ZFYVE26: variants seen among roughly 807,000 people sequenced by gnomAD.
The protein encoded by ZFYVE26 is zinc finger FYVE domain-containing protein 26.
Under a neutral mutation model 276.5 loss-of-function variants are expected in ZFYVE26, and 181 were observed. The ratio of observed to expected loss-of-function variants is 0.65; its 90% CI spans 0.58 to 0.74. The LOEUF (loss-of-function observed/expected upper bound fraction) is 0.74. ZFYVE26 is among the 30% of genes least tolerant of loss of function. The pLI is 0.00. For missense variants in ZFYVE26, 2,821 were observed against 3,097.9 expected, an observed-to-expected ratio of 0.91 and a Z score of 2.12; for synonymous variants, 1,129 against 1,203.1, an observed-to-expected ratio of 0.94 and a Z score of 1.27.
intron 25 of ZFYVE26, 37 bp downstream of exon 25, chr14:67,777,522 C>T (rs774609673): frequency 1.5e-5 from 24 of 1,596,068 alleles, no homozygotes; most frequent in Non-Finnish European, 2.1e-5. Context: ...ACCTTGGATC[C>T]CACATACAGC....
chr14:67,755,878 C>T (rs1359953351), intron 36 of ZFYVE26, 70 bp downstream of exon 36: 18 of 1,580,374 alleles, frequency 1.1e-5, no homozygotes, highest in East Asian at 4.5e-5. Flanking sequence ...ATTCCCTCAT[C>T]GTGCACTGCC....
intron 20 of ZFYVE26, 135 bp from the exon 21 acceptor site, chr14:67,783,660 A>C: frequency 1.7e-6 from 2 of 1,165,996 alleles, no homozygotes; most frequent in Admixed American, 4.0e-5. Context: ...TTTAAAACAC[A>C]AAAAGTAGCC....
chr14:67,803,328 T>C (rs1309963302), intron 9 of ZFYVE26, among the ~76,000 whole-genome samples: 1 of 152,150 alleles, frequency 6.6e-6, no homozygotes, highest in Non-Finnish European at 1.5e-5. Flanking sequence ...AAAGGCTTTG[T>C]TCCCGTTTCA....
In ZFYVE26 at chr14:67,748,599, T is replaced by G; in HGVS notation, c.7457A>C (p.Tyr2486Ser). 6.2e-7 allele frequency: 1 copy of G among 1,614,106 alleles called. No individual in the cohort carries two copies. ...GTGTTCTTGCTTCACAGCAATCAAG[T>G]AGGCAGAACGCAGTTTGCAACATAT... ...YLICCKLRSA[Y>S]LIAVKQEHSR... Residue 2486 changes from tyrosine to serine, a missense_variant, in exon 42 of 42, where the codon TAC becomes TCC. Physicochemically the swap from Tyr to Ser is moderately radical, Grantham distance 144. Coordinates refer to ENST00000347230, the MANE Select transcript of ZFYVE26 (RefSeq NM_015346.4).
chr14:67,735,980 G>A (rs765319866), intron 13 of ZFYVE26, among the ~76,000 whole-genome samples: 3 of 152,102 alleles, frequency 2.0e-5, no homozygotes, highest in African/African-American at 4.8e-5. Flanking sequence ...GTTGCCATGC[G>A]TCCCAAGCTC....
Position 67,802,272 on chromosome 14 carries a change from A to G in ZFYVE26, c.1446T>C (p.Asp482=), listed in dbSNP as rs1271595969. ...GGCTCAGGTGCTCAGGGACTGGAGC[A>G]TCAACTGCATCTGAATTACAAAGAG... ...KDPQQEPDAV[D]APVPEHLSQC... The change falls in exon 10 of 42, where the codon GAT becomes GAC. Residue 482 remains aspartate (D), a synonymous_variant. Transcript: ENST00000347230. The G allele has an allele frequency of 3.7e-6, 6 of 1,614,068 alleles. No homozygotes were observed. The African/African-American group carries it at 8.0e-5, about 22-fold the overall frequency.
rs904752097 is a variant in ZFYVE26 at position 67,762,442 on chromosome 14, T to C, written c.6160-30A>G. ...GAGAAAAATTGCCCCTTTTAGTGAG[T>C]GGTAGCTACATTCAGGCCTAAATGT... On this transcript the variant is annotated intron_variant, in intron 33 of 41. Transcript: ENST00000347230. 3.7e-6 allele frequency: 6 copies of C among 1,601,500 alleles called. No individual in the cohort carries two copies. The African/African-American group carries it at 6.7e-5, about 18-fold the overall frequency.
intron 2 of ZFYVE26, chr14:67,815,512 A>G (rs1566902091): frequency 1.8e-6 from 1 of 549,336 alleles, no homozygotes; most frequent in Non-Finnish European, 3.3e-6. Context: ...TATATTAACG[A>G]GGATAAACAA....
At chr14:67,784,662 T>C (rs1424388425) in intron 19 of ZFYVE26, among the ~76,000 whole-genome samples, 3 of 152,306 alleles carry the variant, frequency 2.0e-5, no homozygotes, top group African/African-American at 7.2e-5. Context: ...CGAACTTCAG[T>C]GGGCAGATCT....
intron 32 of ZFYVE26, among the ~76,000 whole-genome samples, chr14:67,764,112 C>A (rs2038999661): frequency 6.6e-6 from 1 of 152,164 alleles, no homozygotes; most frequent in Admixed American, 6.5e-5. Flanking sequence ...CTTGTAAAAA[C>A]CTTATAAGGA....
rs973809357 is a variant in ZFYVE26 at position 67,771,966 on chromosome 14, G to A, written c.5484+81C>T. 13 of 1,533,344 alleles carry A rather than the reference G, an allele frequency of 8.5e-6. No homozygotes were observed. In the African/African-American group the frequency reaches 1.1e-4, roughly 13 times the overall value. 95.0% of individuals were successfully genotyped at this position (1,533,344 alleles called of 1,614,324 possible). ...ACCGATATTCTCCTGGGGACAGGCG[G>A]TGATTGTAAACTCAGGCTCATGAAC... is the stretch of plus-strand genomic sequence containing the variant. On this transcript the variant is annotated intron_variant, in intron 28 of 41. Transcript: ENST00000347230.
chr14:67,769,988 G>A (rs2039165442), intron 28 of ZFYVE26: 5 of 519,734 alleles, frequency 9.6e-6, no homozygotes, highest in Non-Finnish European at 1.7e-5. Flanking sequence ...TGTGTATGGA[G>A]GCAACATGTG....
chr14:67,731,658 A>C (rs569169374), intron 13 of ZFYVE26, among the ~76,000 whole-genome samples: 4 of 152,214 alleles, frequency 2.6e-5, no homozygotes, highest in African/African-American at 9.6e-5. Flanking sequence ...TTAGTGATAT[A>C]ATGTTGTAAG....
chr14:67,769,316 C>T (rs753747375), intron 29 of ZFYVE26, among the ~76,000 whole-genome samples: 5 of 152,170 alleles, frequency 3.3e-5, no homozygotes, highest in Non-Finnish European at 7.3e-5. Flanking sequence ...GCTCAATGGC[C>T]TCTGTCTGGG....
chr14:67,774,982 AAAATTTT>A, intron 27 of ZFYVE26, 27 bp downstream of exon 27: 3 of 1,534,712 alleles, frequency 2.0e-6, no homozygotes, highest in Non-Finnish European at 2.7e-6. Flanking sequence ...ACTAAACTGA[AAAATTTT>A]AGTGAATCAT....
In ZFYVE26 at chr14:67,793,740, C is replaced by T. The variant is rs367911364; in HGVS notation, c.2421G>A (p.Met807Ile). 4 of 1,613,798 alleles carry T rather than the reference C, an allele frequency of 2.5e-6. No individual in the cohort carries two copies. The African/African-American group carries it at 5.3e-5, about 22-fold the overall frequency. ...TACTGTGCAGCTCATTCCGGCCAGA[C>T]ATGGCACTCAGACTTCCCTCTGTTG... is the stretch of plus-strand genomic sequence containing the variant. ...TSTSEGSLSA[M>I]SGRNELHSRL... Residue 807 changes from methionine to isoleucine, a missense_variant, in exon 14 of 42, where the codon ATG (methionine) becomes ATA (isoleucine). Transcript: ENST00000347230.
intron 3 of ZFYVE26, among the ~76,000 whole-genome samples, chr14:67,810,899 G>GGT (rs1164494958): frequency 3.3e-5 from 5 of 151,962 alleles, no homozygotes; most frequent in African/African-American, 7.2e-5. Flanking sequence ...TACAGCTGCA[G>GGT]GTGTGTGTGT....
chr14:67,772,238 A>G (rs1173036853), intron 27 of ZFYVE26, 28 bp from the exon 28 acceptor site: 3 of 1,607,588 alleles, frequency 1.9e-6, no homozygotes, highest in Non-Finnish European at 2.5e-6. Context: ...AGGTCAGAGT[A>G]AAAGGTAATC....
intron 33 of ZFYVE26, 68 bp downstream of exon 33, chr14:67,762,604 G>A (rs2038962067): frequency 1.9e-6 from 3 of 1,605,780 alleles, no homozygotes; most frequent in South Asian, 1.1e-5. Flanking sequence ...ACACCTGTTT[G>A]CAAGGCTAAG....
Sources: gnomAD v4.1 joint callset for allele counts (sites outside exome capture counted in the v4.1 genomes callset) on GRCh38, gnomAD v4.1.1 for gene constraint, MANE v1.5 for transcripts, NCBI Gene and HGNC (gene_info 2026-07-23, HGNC 2026-07-21) for gene names.